Variants in TBCK observed in about 807,000 individuals in gnomAD.
TBCK encodes the protein TBC domain-containing protein kinase-like protein.
Under a neutral mutation model 113.4 loss-of-function variants are expected in TBCK, and 99 were observed. That is an observed-to-expected ratio of 0.87 (90% CI 0.74 to 1.03). The LOEUF (loss-of-function observed/expected upper bound fraction) is 1.03. Ranked by LOEUF, TBCK falls within the 50% of genes least tolerant of loss-of-function variation. The probability of loss-of-function intolerance (pLI) is 0.00; values close to 1 mark genes in which losing one functional copy is unlikely to be tolerated. For synonymous variants in TBCK, 369 were observed against 370.8 expected (o/e 1.00, Z 0.05); for missense variants, 1,045 against 1,061.3 (o/e 0.98, Z 0.21).
intron 3 of TBCK, among the ~76,000 whole-genome samples, chr4:106,268,011 T>G (rs72893622): frequency 0.027 from 4,088 of 152,008 alleles, 176 homozygotes; most frequent in African/African-American, 0.094. Context: ...CAACCTATAT[T>G]TACTTAAAAC....
chr4:106,052,831 T>C (rs903370338), intron 25 of TBCK, among the ~76,000 whole-genome samples: 4 of 151,662 alleles, frequency 2.6e-5, no homozygotes, highest in Non-Finnish European at 5.9e-5. Flanking sequence ...GCTTCAACAA[T>C]TGTAACTTGT....
intron 23 of TBCK, among the ~76,000 whole-genome samples, chr4:106,119,323 T>C (rs1466660030): frequency 9.8e-5 from 15 of 152,288 alleles, no homozygotes; most frequent in African/African-American, 3.6e-4. Context: ...ATACACTGCA[T>C]GTTAAACTTA....
At chr4:106,311,132 A>G (rs1421630479) in intron 1 of TBCK, among the ~76,000 whole-genome samples, 1 of 151,404 alleles carries the variant, frequency 6.6e-6, no homozygotes, top group Non-Finnish European at 1.5e-5. Flanking sequence ...TGTAAGTGGG[A>G]GTGTAAATTA....
intron 1 of TBCK, among the ~76,000 whole-genome samples, chr4:106,312,919 T>C (rs956397887): frequency 6.6e-6 from 1 of 152,090 alleles, no homozygotes; most frequent in African/African-American, 2.4e-5. Context: ...GTACTGTAGA[T>C]GGGGGAGAGG....
At chr4:106,071,908 T>G (rs1417675171) in intron 25 of TBCK, among the ~76,000 whole-genome samples, 1 of 152,176 alleles carries the variant, frequency 6.6e-6, no homozygotes, top group Non-Finnish European at 1.5e-5. Context: ...TATCAGAGAC[T>G]AGGATTGCAA....
At chr4:106,246,489 A>G (rs773314220) in intron 10 of TBCK, among the ~76,000 whole-genome samples, 1 of 152,060 alleles carries the variant, frequency 6.6e-6, no homozygotes, top group Non-Finnish European at 1.5e-5. Flanking sequence ...CTTATCAATA[A>G]TATTATTTTT....
At chr4:106,311,870 T>G (rs568358885) in intron 1 of TBCK, among the ~76,000 whole-genome samples, 1 of 152,058 alleles carries the variant, frequency 6.6e-6, no homozygotes, top group African/African-American at 2.4e-5. Context: ...GAAAAAGATA[T>G]TCATATAAAA....
At chr4:106,268,603 C>T (rs2150122523) in intron 3 of TBCK, among the ~76,000 whole-genome samples, 1 of 151,828 alleles carries the variant, frequency 6.6e-6, no homozygotes, top group Middle Eastern at 3.4e-3. Flanking sequence ...TGGCTATCCA[C>T]AAAAAAAATT....
chr4:106,219,219 G>C (rs1356709056), intron 19 of TBCK, among the ~76,000 whole-genome samples: 1 of 118,838 alleles, frequency 8.4e-6, no homozygotes, highest in Non-Finnish European at 1.7e-5. Flanking sequence ...GGGGCCTGTT[G>C]TGGGGTGGGG....
intron 19 of TBCK, among the ~76,000 whole-genome samples, chr4:106,215,189 C>G (rs1054281910): frequency 3.7e-4 from 56 of 151,860 alleles, no homozygotes; most frequent in African/African-American, 1.4e-3. Flanking sequence ...ACCACCAGGC[C>G]TGCCCTAAAA....
At chr4:106,130,097 C>G (rs182860511) in intron 23 of TBCK, among the ~76,000 whole-genome samples, 9 of 152,260 alleles carry the variant, frequency 5.9e-5, no homozygotes, top group African/African-American at 2.2e-4. Context: ...TCATTTCCCC[C>G]CAAAGTACCA....
chr4:106,104,252 A>G (rs1458611071), intron 24 of TBCK, among the ~76,000 whole-genome samples: 1 of 152,174 alleles, frequency 6.6e-6, no homozygotes. Flanking sequence ...CTTCCATGGC[A>G]CCTCACAAGA....
chr4:106,075,427 G>T (rs540990869), intron 25 of TBCK, among the ~76,000 whole-genome samples: 2 of 152,298 alleles, frequency 1.3e-5, no homozygotes, highest in African/African-American at 4.8e-5. Flanking sequence ...TTTCTGATAA[G>T]TATGATATTG....
Position 106,045,288 on chromosome 4 carries a change from A to C in TBCK, c.*1282T>G, listed in dbSNP as rs1734120992. On this transcript the variant is annotated 3_prime_UTR_variant, in exon 26 of 26. Transcript: ENST00000394708. ...TGGCCAGGCTGGTCTCAAACTCCTG[A>C]CCTCGGCCTCCCAGGGAATGTGTCT... 1 of 151,990 alleles carries C rather than the reference A, an allele frequency of 6.6e-6. No individual in the cohort carries two copies. Among genetic ancestry groups the C allele is most frequent in the Admixed American group, 6.6e-5 (1 of 15,240 alleles). The allele number at this position is 151,990 out of a possible 1,614,324, so 9.4% of individuals were successfully genotyped here.
rs999815599 is a variant in TBCK at position 106,208,347 on chromosome 4, T to C, written c.1860+4403A>G. Among the ~76,000 whole-genome samples, 3 of 152,212 alleles carry C rather than the reference T, an allele frequency of 2.0e-5. No homozygotes were observed. In the East Asian group the frequency reaches 5.8e-4, roughly 29 times the overall value. Reference sequence around the variant, plus strand: ...ATTGATCCCTACCATTCACCTATTTTACATATACCTACCCTTCCCTAATTA... The same window carrying C: ...ATTGATCCCTACCATTCACCTATTTCACATATACCTACCCTTCCCTAATTA... On this transcript the variant is annotated intron_variant, in intron 20 of 25. Transcript: ENST00000394708.
intron 5 of TBCK, among the ~76,000 whole-genome samples, chr4:106,258,950 T>C (rs894136025): frequency 1.3e-5 from 2 of 151,974 alleles, no homozygotes; most frequent in African/African-American, 4.8e-5. Flanking sequence ...GAATTGGTTT[T>C]TGCCTGTAAG....
Position 106,044,505 on chromosome 4 carries a change from T to G in TBCK, c.*2065A>C, listed in dbSNP as rs1189408521. 2.6e-5 allele frequency: 4 copies of G among 152,204 alleles called. No homozygotes were observed. The highest frequency in any genetic ancestry group is 5.9e-5 in the Non-Finnish European group (4 of 68,032). 9.4% of individuals were successfully genotyped at this position (152,204 alleles called of 1,614,324 possible). A position where few individuals can be genotyped will look rare whatever the true frequency, so the allele number is the denominator to read the frequency against. ...TGTCTTAGAAATACATAGTAGGTAT[T>G]CAAAACATATTTGGTGAATGACCAA... On this transcript the variant is annotated 3_prime_UTR_variant, in exon 26 of 26. Coordinates refer to ENST00000394708, the MANE Select transcript of TBCK (RefSeq NM_001163435.3).
chr4:106,208,712 T>C (rs1755807652), intron 20 of TBCK, among the ~76,000 whole-genome samples: 1 of 152,124 alleles, frequency 6.6e-6, no homozygotes, highest in African/African-American at 2.4e-5. Context: ...CAAACAAAGC[T>C]GTAACCCTGT....
chr4:106,122,965 C>G (rs1432695787), intron 23 of TBCK, among the ~76,000 whole-genome samples: 1 of 152,204 alleles, frequency 6.6e-6, no homozygotes, highest in Non-Finnish European at 1.5e-5. Context: ...AAAACTGGCA[C>G]AAGACAGGGA....
Sources: allele counts gnomAD v4.1 joint callset (sites outside exome capture counted in the v4.1 genomes callset), GRCh38; gene constraint gnomAD v4.1.1; transcripts MANE v1.5; gene names NCBI Gene and HGNC (gene_info 2026-07-23, HGNC 2026-07-21).